NBEA: variants seen among roughly 807,000 people sequenced by gnomAD.
NBEA encodes the protein lysosomal-trafficking regulator 2.
A neutral mutation model predicts 343.4 loss-of-function variants in NBEA; 44 were observed. The observed-to-expected ratio is 0.13, with a 90% CI of 0.10 to 0.16. The LOEUF is 0.16. Among genes scored for constraint, NBEA ranks in the 10% least tolerant of loss-of-function variants. The pLI, the probability that NBEA is intolerant of heterozygous loss-of-function variation, is 1.00. For synonymous variants in NBEA, 1,175 were observed against 1,238.7 expected (o/e 0.95, Z 1.08); for missense variants, 2,555 against 3,631.3 (o/e 0.70, Z 7.62).
intron 41 of NBEA, among the ~76,000 whole-genome samples, chr13:35,510,409 T>C (rs776960622): frequency 6.6e-6 from 1 of 152,224 alleles, no homozygotes; most frequent in Non-Finnish European, 1.5e-5. Context: ...CCATTTATAT[T>C]TTGACTTAAT....
At chr13:35,542,003 G>C (rs2078849679) in intron 41 of NBEA, among the ~76,000 whole-genome samples, 1 of 152,026 alleles carries the variant, frequency 6.6e-6, no homozygotes, top group African/African-American at 2.4e-5. Flanking sequence ...CTCACAGCTA[G>C]TAAGAGAGGC....
intron 47 of NBEA, among the ~76,000 whole-genome samples, chr13:35,594,785 A>T (rs1016454454): frequency 1.3e-5 from 2 of 152,132 alleles, no homozygotes; most frequent in African/African-American, 2.4e-5. Flanking sequence ...CACAATGTTC[A>T]TAAAAGGCAC....
At chr13:35,113,223 A>G (rs2066304524) in intron 13 of NBEA, among the ~76,000 whole-genome samples, 1 of 152,068 alleles carries the variant, frequency 6.6e-6, no homozygotes, top group Non-Finnish European at 1.5e-5. Context: ...TCATTTTTAC[A>G]AGAAATAACA....
intron 17 of NBEA, among the ~76,000 whole-genome samples, chr13:35,129,913 G>A (rs1486543995): frequency 6.6e-6 from 1 of 152,022 alleles, no homozygotes; most frequent in Non-Finnish European, 1.5e-5. Flanking sequence ...AAACAATATA[G>A]TACATATTTG....
intron 11 of NBEA, among the ~76,000 whole-genome samples, chr13:35,109,023 T>C (rs1323339999): frequency 6.6e-6 from 1 of 152,168 alleles, no homozygotes; most frequent in Non-Finnish European, 1.5e-5. Flanking sequence ...ACATTTCATT[T>C]CTTTAGCTAA....
At chr13:35,111,893 T>A (rs1201988511) in intron 13 of NBEA, among the ~76,000 whole-genome samples, 3 of 150,344 alleles carry the variant, frequency 2.0e-5, no homozygotes, top group Non-Finnish European at 3.0e-5. Context: ...ATCCCGTTGA[T>A]AAGGAAAAAT....
chr13:35,014,620 A>G (rs2061589340), intron 1 of NBEA, among the ~76,000 whole-genome samples: 1 of 152,262 alleles, frequency 6.6e-6, no homozygotes, highest in Non-Finnish European at 1.5e-5. Context: ...GCAGGGGTCT[A>G]CTGGGACCAG....
intron 51 of NBEA, among the ~76,000 whole-genome samples, chr13:35,647,198 T>C (rs1355945683): frequency 1.3e-5 from 2 of 152,340 alleles, no homozygotes; most frequent in South Asian, 4.1e-4. Context: ...TTGAAGAAGG[T>C]AAAATTTTTA....
chr13:35,498,124 T>A (rs2076750720), intron 41 of NBEA, among the ~76,000 whole-genome samples: 1 of 152,098 alleles, frequency 6.6e-6, no homozygotes, highest in South Asian at 2.1e-4. Flanking sequence ...AGTAGACATT[T>A]TCTTAGGCAC....
At chr13:35,178,425 A>C (rs73505608) in intron 28 of NBEA, among the ~76,000 whole-genome samples, 1 of 151,706 alleles carries the variant, frequency 6.6e-6, no homozygotes, top group South Asian at 2.1e-4. Context: ...GCAGTGACCT[A>C]TTCAGCCTTT....
At chr13:35,260,633 A>G (rs2033125369) in intron 34 of NBEA, among the ~76,000 whole-genome samples, 1 of 152,246 alleles carries the variant, frequency 6.6e-6, no homozygotes, top group Non-Finnish European at 1.5e-5. Flanking sequence ...CATCACAGTA[A>G]AATAGCTTGA....
chr13:35,218,725 T>A (rs920912846), intron 33 of NBEA, among the ~76,000 whole-genome samples: 3 of 152,042 alleles, frequency 2.0e-5, no homozygotes, highest in Admixed American at 6.6e-5. Context: ...TTGAAGTTTA[T>A]CTTATGCTTT....
chr13:35,289,097 C>A (rs2152817057), intron 34 of NBEA, among the ~76,000 whole-genome samples: 1 of 151,910 alleles, frequency 6.6e-6, no homozygotes, highest in South Asian at 2.1e-4. Flanking sequence ...AGTATTTATC[C>A]ACTACCTACA....
At chr13:35,433,320 T>C (rs1341327125) in intron 39 of NBEA, among the ~76,000 whole-genome samples, 1 of 152,100 alleles carries the variant, frequency 6.6e-6, no homozygotes, top group Admixed American at 6.5e-5. Flanking sequence ...TAATGAACAC[T>C]GTCCATGTGT....
At chr13:35,615,674 C>T (rs2082709899) in intron 48 of NBEA, among the ~76,000 whole-genome samples, 2 of 152,132 alleles carry the variant, frequency 1.3e-5, no homozygotes, top group South Asian at 4.1e-4. Flanking sequence ...TGCCAAATAC[C>T]ACCACCTTAT....
intron 1 of NBEA, among the ~76,000 whole-genome samples, chr13:35,018,578 T>C (rs1327715615): frequency 1.3e-5 from 2 of 152,178 alleles, no homozygotes; most frequent in Non-Finnish European, 2.9e-5. Context: ...TATGTTTGTG[T>C]ATATTGATCT....
chr13:35,122,148 C>T (rs1482242765), intron 16 of NBEA, among the ~76,000 whole-genome samples: 1 of 152,032 alleles, frequency 6.6e-6, no homozygotes, highest in Non-Finnish European at 1.5e-5. Flanking sequence ...TTAGTGGAGG[C>T]TATTTTGCTC....
chr13:35,109,909 G>A (rs934949715), intron 12 of NBEA, among the ~76,000 whole-genome samples: 1 of 151,326 alleles, frequency 6.6e-6, no homozygotes, highest in South Asian at 2.1e-4. Flanking sequence ...TTATATACAA[G>A]GATTTAGTCC....
intron 1 of NBEA, among the ~76,000 whole-genome samples, chr13:34,999,396 C>G (rs1269047894): frequency 1.3e-5 from 2 of 152,066 alleles, no homozygotes; most frequent in Non-Finnish European, 2.9e-5. Flanking sequence ...ACTCTCTTTA[C>G]CCCCTTACCT....
Sources: gnomAD v4.1 joint callset for allele counts (sites outside exome capture counted in the v4.1 genomes callset) on GRCh38, gnomAD v4.1.1 for gene constraint, MANE v1.5 for transcripts, NCBI Gene and HGNC (gene_info 2026-07-23, HGNC 2026-07-21) for gene names.